The following KSR2 variants were observed in gnomAD, a reference collection of about 807,000 sequenced individuals.
The protein encoded by KSR2 is kinase suppressor of ras 2.
A neutral mutation model predicts 107.8 loss-of-function variants in KSR2; 25 were observed. That is an observed-to-expected ratio of 0.23 (90% CI 0.17 to 0.32). The LOEUF is 0.32. KSR2 is among the 10% of genes least tolerant of loss of function. The probability of loss-of-function intolerance (pLI) is 1.00; values close to 1 mark genes in which losing one functional copy is unlikely to be tolerated. For missense variants in KSR2, 887 were observed against 1,268.9 expected, an observed-to-expected ratio of 0.70 and a Z score of 4.57; for synonymous variants, 480 against 507.0, an observed-to-expected ratio of 0.95 and a Z score of 0.71.
chr12:117,696,090 G>C (rs1417452108), intron 4 of KSR2, among the ~76,000 whole-genome samples: 1 of 152,142 alleles, frequency 6.6e-6, no homozygotes, highest in Non-Finnish European at 1.5e-5. Context: ...AATTTAATTA[G>C]AGGTTCAGGA....
At chr12:117,732,002 CT>C (rs1310467604) in intron 4 of KSR2, among the ~76,000 whole-genome samples, 2 of 148,968 alleles carry the variant, frequency 1.3e-5, no homozygotes, top group Admixed American at 1.4e-4. Context: ...CCAAATCCCC[CT>C]CTCCGAGAAA....
chr12:117,669,901 A>C (rs1884832533), intron 4 of KSR2, among the ~76,000 whole-genome samples: 1 of 152,136 alleles, frequency 6.6e-6, no homozygotes, highest in Non-Finnish European at 1.5e-5. Flanking sequence ...TAAAATTTAA[A>C]AATGATAAAG....
intron 1 of KSR2, among the ~76,000 whole-genome samples, chr12:117,913,037 T>C (rs1179339137): frequency 6.6e-6 from 1 of 152,174 alleles, no homozygotes; most frequent in Non-Finnish European, 1.5e-5. Context: ...TGAGAGGCCC[T>C]ACCCGGGGCA....
chr12:117,840,100 A>G (rs866782393), intron 3 of KSR2, among the ~76,000 whole-genome samples: 1 of 133,052 alleles, frequency 7.5e-6, no homozygotes, highest in African/African-American at 2.9e-5. Context: ...ACTTTATTTT[A>G]TTTTATTTTT....
intron 5 of KSR2, among the ~76,000 whole-genome samples, chr12:117,597,838 T>G (rs1166279839): frequency 6.6e-6 from 1 of 152,210 alleles, no homozygotes; most frequent in African/African-American, 2.4e-5. Context: ...AATGGACATT[T>G]ATTTATCAAG....
intron 7 of KSR2, among the ~76,000 whole-genome samples, chr12:117,567,570 C>A (rs1878585938): frequency 6.6e-6 from 1 of 151,530 alleles, no homozygotes; most frequent in East Asian, 1.9e-4. Context: ...AATTAAAGGG[C>A]AGCAAAGTTC....
chr12:117,950,965 G>A (rs1270916248), intron 1 of KSR2, among the ~76,000 whole-genome samples: 2 of 151,930 alleles, frequency 1.3e-5, no homozygotes, highest in Non-Finnish European at 2.9e-5. Context: ...CCAGGCTGGA[G>A]TGCAGTGGCG....
intron 1 of KSR2, among the ~76,000 whole-genome samples, chr12:117,871,242 G>A (rs549023097): frequency 2.0e-5 from 3 of 152,238 alleles, no homozygotes; most frequent in South Asian, 2.1e-4. Flanking sequence ...GCTACTAAGC[G>A]GATAAACTGG....
chr12:117,595,860 C>T (rs73407354), intron 5 of KSR2, among the ~76,000 whole-genome samples: 1,588 of 152,302 alleles, frequency 0.01, 31 homozygotes, highest in African/African-American at 0.037. Context: ...GTTCCAATGT[C>T]CCACAGCAGG....
chr12:117,767,434 T>C (rs531302225), intron 3 of KSR2, among the ~76,000 whole-genome samples: 84 of 138,338 alleles, frequency 6.1e-4, no homozygotes, highest in Admixed American at 2.5e-3. Context: ...GAGACTCCTG[T>C]CTCAAAAGGA....
intron 3 of KSR2, among the ~76,000 whole-genome samples, chr12:117,776,445 C>G (rs947866243): frequency 3.9e-5 from 6 of 152,082 alleles, no homozygotes; most frequent in African/African-American, 9.7e-5. Context: ...TTTACTACAA[C>G]TCATAAAATT....
At chr12:117,668,088 A>T (rs1430583947) in intron 4 of KSR2, among the ~76,000 whole-genome samples, 1 of 152,168 alleles carries the variant, frequency 6.6e-6, no homozygotes, top group African/African-American at 2.4e-5. Flanking sequence ...GTGAGTCCAG[A>T]TCTGTGTCAA....
rs11068608 is a variant in KSR2, at chr12:117,666,433, A to G, written c.1171+1041T>C. On this transcript the variant is annotated intron_variant, in intron 5 of 19. Transcript: ENST00000339824. ...GTATTTGAGCGGTCATGGTTATCAA[A>G]TGATGTGTGATGTGTTAGAAAGAAC... 6.6e-3 allele frequency among the ~76,000 whole-genome samples: 1,012 copies of G among 152,360 alleles called. 6 individuals are homozygous for G. Among genetic ancestry groups the G allele is most frequent in the Non-Finnish European group, 0.011 (739 of 68,032 alleles).
intron 3 of KSR2, among the ~76,000 whole-genome samples, chr12:117,806,759 G>C (rs749949858): frequency 6.6e-6 from 1 of 152,182 alleles, no homozygotes; most frequent in Non-Finnish European, 1.5e-5. Context: ...GAATCCTGCA[G>C]TACAAGCCCT....
intron 1 of KSR2, among the ~76,000 whole-genome samples, chr12:117,866,284 C>G (rs1214734009): frequency 6.6e-6 from 1 of 152,132 alleles, no homozygotes. Context: ...AACTCCTGGA[C>G]TCAAGCACTC....
At chr12:117,671,176 T>C (rs1884890468) in intron 4 of KSR2, among the ~76,000 whole-genome samples, 2 of 152,214 alleles carry the variant, frequency 1.3e-5, no homozygotes. Flanking sequence ...TTGGCTCTGA[T>C]GTCCTCTCCT....
chr12:117,794,073 C>CGT (rs1890456806), intron 3 of KSR2, among the ~76,000 whole-genome samples: 5 of 121,342 alleles, frequency 4.1e-5, no homozygotes, highest in Non-Finnish European at 6.8e-5. Flanking sequence ...TGCACACATA[C>CGT]ACCAACATGC....
chr12:117,501,524 C>T (rs1873377093), intron 14 of KSR2, among the ~76,000 whole-genome samples: 1 of 152,200 alleles, frequency 6.6e-6, no homozygotes, highest in Admixed American at 6.5e-5. Flanking sequence ...GCTGAGCTAA[C>T]ACTTCCAGAG....
intron 4 of KSR2, among the ~76,000 whole-genome samples, chr12:117,734,422 C>T (rs1049467389): frequency 6.6e-6 from 1 of 152,244 alleles, no homozygotes; most frequent in African/African-American, 2.4e-5. Context: ...TCCTGGGGAG[C>T]TTCTCCTAGA....
Sources: allele counts gnomAD v4.1 joint callset (sites outside exome capture counted in the v4.1 genomes callset), GRCh38; gene constraint gnomAD v4.1.1; transcripts MANE v1.5; gene names NCBI Gene and HGNC (gene_info 2026-07-23, HGNC 2026-07-21).